Variants in IFT80 observed in about 807,000 individuals in gnomAD.
IFT80 encodes intraflagellar transport 80, also known as intraflagellar transport protein 80 homolog.
A neutral mutation model predicts 107.9 loss-of-function variants in IFT80; 79 were observed. The ratio of observed to expected loss-of-function variants is 0.73; its 90% CI spans 0.61 to 0.88. The LOEUF is 0.88. Ranked by LOEUF, IFT80 falls within the 40% of genes least tolerant of loss-of-function variation. IFT80 has a pLI of 0.00. For missense variants in IFT80, 797 were observed against 914.2 expected, an observed-to-expected ratio of 0.87 and a Z score of 1.65; for synonymous variants, 299 against 300.9, an observed-to-expected ratio of 0.99 and a Z score of 0.07.
chr3:160,326,126 G>A (rs973035314), intron 8 of IFT80, among the ~76,000 whole-genome samples: 3 of 151,622 alleles, frequency 2.0e-5, no homozygotes, highest in Non-Finnish European at 4.4e-5. Context: ...ACCTGCACAC[G>A]TACCCCTGAA....
At chr3:160,374,141 C>G (rs142841378) in intron 5 of IFT80, among the ~76,000 whole-genome samples, 1 of 152,026 alleles carries the variant, frequency 6.6e-6, no homozygotes, top group African/African-American at 2.4e-5. Context: ...GGTGAAGGGT[C>G]TCGGGAAAGA....
chr3:160,352,396 T>G (rs1337265066), intron 8 of IFT80, among the ~76,000 whole-genome samples: 1 of 152,224 alleles, frequency 6.6e-6, no homozygotes, highest in East Asian at 1.9e-4. Context: ...ACTATTCTTT[T>G]TTGGTATCAC....
At chr3:160,283,817 A>T (rs964260014) in intron 13 of IFT80, among the ~76,000 whole-genome samples, 1 of 152,344 alleles carries the variant, frequency 6.6e-6, no homozygotes, top group South Asian at 2.1e-4. Flanking sequence ...CCCCCACTTC[A>T]TTCAGCAGGG....
intron 18 of IFT80, among the ~76,000 whole-genome samples, chr3:160,271,390 C>T (rs1454625493): frequency 6.6e-6 from 1 of 152,120 alleles, no homozygotes; most frequent in East Asian, 1.9e-4. Context: ...TTTTGCATAA[C>T]TTGAATGAAG....
intron 9 of IFT80, among the ~76,000 whole-genome samples, chr3:160,308,239 G>A (rs1007303317): frequency 2.6e-5 from 4 of 152,100 alleles, no homozygotes. Context: ...CAAAAGTGGG[G>A]TAGGAGGTAT....
At chr3:160,325,077 C>T (rs1387269338) in intron 8 of IFT80, among the ~76,000 whole-genome samples, 8 of 151,114 alleles carry the variant, frequency 5.3e-5, no homozygotes, top group Admixed American at 1.3e-4. Context: ...TTACAAGGGA[C>T]GTGAAGGACC....
chr3:160,360,231 C>T (rs1262955291), intron 6 of IFT80, among the ~76,000 whole-genome samples: 1 of 152,008 alleles, frequency 6.6e-6, no homozygotes, highest in African/African-American at 2.4e-5. Flanking sequence ...GTAGCTGATT[C>T]GATCAAGTGG....
intron 2 of IFT80, among the ~76,000 whole-genome samples, chr3:160,383,254 C>T (rs1268237563): frequency 1.3e-5 from 2 of 152,128 alleles, no homozygotes; most frequent in African/African-American, 4.8e-5. Context: ...TATTCTTTGG[C>T]TTGAAAGGTA....
intron 8 of IFT80, among the ~76,000 whole-genome samples, chr3:160,323,029 TCTTTA>T (rs1472148506): frequency 2.0e-5 from 3 of 152,044 alleles, no homozygotes; most frequent in African/African-American, 7.2e-5. Flanking sequence ...GTGCAGAGGC[TCTTTA>T]GTTTAATTAG....
At chr3:160,285,581 CT>C (rs1041659546) in intron 13 of IFT80, among the ~76,000 whole-genome samples, 4 of 152,168 alleles carry the variant, frequency 2.6e-5, no homozygotes, top group South Asian at 4.2e-4. Flanking sequence ...AAGTCAGATC[CT>C]TTTTTTCAAC....
chr3:160,311,267 T>G lies in IFT80; in HGVS notation c.958-3486A>C, dbSNP rs918006264. The stretch of plus-strand genomic sequence containing the variant: ...AAATAAATTGTAAGTAAATAAATAA[T>G]AAGAAGTTGTTTCAGATTTAAAAAG... On this transcript the variant is annotated intron_variant, in intron 9 of 19. Coordinates refer to ENST00000326448, the MANE Select transcript of IFT80 (RefSeq NM_020800.3). Among the ~76,000 whole-genome samples the G allele has an allele frequency of 3.3e-5, 5 of 152,118 alleles. No individual in the cohort carries two copies. The South Asian group carries it at 6.2e-4, about 19-fold the overall frequency.
At chr3:160,332,160 T>C (rs973202775) in intron 8 of IFT80, among the ~76,000 whole-genome samples, 4 of 152,198 alleles carry the variant, frequency 2.6e-5, no homozygotes, top group Non-Finnish European at 5.9e-5. Flanking sequence ...ATAGGTGATG[T>C]TGTATACTGT....
At chr3:160,275,276 GT>G (rs202230060) in intron 18 of IFT80, among the ~76,000 whole-genome samples, 3 of 151,406 alleles carry the variant, frequency 2.0e-5, no homozygotes, top group Non-Finnish European at 3.0e-5. Flanking sequence ...TTAGATGGAA[GT>G]TTTTTTTTAC....
chr3:160,300,001 C>G (rs1372589746), intron 12 of IFT80, among the ~76,000 whole-genome samples: 1 of 152,098 alleles, frequency 6.6e-6, no homozygotes, highest in Non-Finnish European at 1.5e-5. Context: ...TCTCCTCCCA[C>G]TCTCTACCTA....
chr3:160,392,248 C>A (rs899421134), intron 1 of IFT80, among the ~76,000 whole-genome samples: 5 of 152,320 alleles, frequency 3.3e-5, no homozygotes, highest in African/African-American at 1.2e-4. Context: ...TAGGCTCAGT[C>A]CTTGTGCCTC....
chr3:160,307,311 C>T (rs1716899207), intron 10 of IFT80, among the ~76,000 whole-genome samples: 1 of 152,124 alleles, frequency 6.6e-6, no homozygotes, highest in African/African-American at 2.4e-5. Flanking sequence ...CCACACCCAG[C>T]TAATTCAAAA....
At chr3:160,365,280 T>C (rs542840864) in intron 6 of IFT80, among the ~76,000 whole-genome samples, 2 of 152,212 alleles carry the variant, frequency 1.3e-5, no homozygotes, top group South Asian at 2.1e-4. Flanking sequence ...CTGCACACCA[T>C]AAAAATGTAA....
chr3:160,289,077 G>C (rs1199690932), intron 12 of IFT80, among the ~76,000 whole-genome samples: 1 of 152,178 alleles, frequency 6.6e-6, no homozygotes, highest in African/African-American at 2.4e-5. Flanking sequence ...ATCAATAACA[G>C]ATTTGATAAA....
intron 8 of IFT80, among the ~76,000 whole-genome samples, chr3:160,348,042 T>C (rs1384071294): frequency 3.3e-5 from 5 of 152,226 alleles, no homozygotes; most frequent in Non-Finnish European, 5.9e-5. Flanking sequence ...CATTTCCTCC[T>C]GCTCAAGTGA....
Sources: gnomAD v4.1 joint callset for allele counts (sites outside exome capture counted in the v4.1 genomes callset) on GRCh38, gnomAD v4.1.1 for gene constraint, MANE v1.5 for transcripts, NCBI Gene and HGNC (gene_info 2026-07-23, HGNC 2026-07-21) for gene names.